SRD5A2: variants seen among roughly 807,000 people sequenced by gnomAD.
SRD5A2 encodes steroid 5 alpha-reductase 2.
Under a neutral mutation model 27.4 loss-of-function variants are expected in SRD5A2, and 30 were observed. The observed-to-expected ratio is 1.10, with a 90% CI of 0.82 to 1.49. The LOEUF (loss-of-function observed/expected upper bound fraction) is 1.49. Ranked by LOEUF, SRD5A2 falls within the 40% of genes most tolerant of loss-of-function variation. The probability of loss-of-function intolerance (pLI) is 0.00; values close to 1 mark genes in which losing one functional copy is unlikely to be tolerated. For synonymous variants in SRD5A2, 141 were observed against 133.6 expected (o/e 1.06, Z -0.38); for missense variants, 348 against 323.4 (o/e 1.08, Z -0.58).
the SRD5A2 span, among the ~76,000 whole-genome samples, chr2:31,595,163 G>C: frequency 1.3e-5 from 2 of 151,750 alleles, no homozygotes; most frequent in East Asian, 1.9e-4. Flanking sequence ...ACAGAAAATA[G>C]AACAAACAAA....
chr2:31,599,243 A>G, the SRD5A2 span, among the ~76,000 whole-genome samples: 1 of 152,002 alleles, frequency 6.6e-6, no homozygotes, highest in Non-Finnish European at 1.5e-5. Context: ...TTCAGCATTG[A>G]ACATATCTTC....
intron 1 of SRD5A2, among the ~76,000 whole-genome samples, chr2:31,559,211 T>C (rs746621060): frequency 2.0e-5 from 3 of 152,210 alleles, no homozygotes; most frequent in Admixed American, 1.3e-4. Flanking sequence ...GTTGCCACTT[T>C]GGCTTGACCT....
rs28383094 is a variant in SRD5A2, at chr2:31,524,027, A to C, written c.*2169T>G. ...GACTGGGGTTGGACCTAATTAAGTC[A>C]AGGTTGGACTAAATACTATTTTAGA... is the stretch of plus-strand genomic sequence containing the variant. On this transcript the variant is annotated 3_prime_UTR_variant, in exon 5 of 5. Coordinates refer to ENST00000622030, the MANE Select transcript of SRD5A2 (RefSeq NM_000348.4). 85 of 221,194 alleles carry C rather than the reference A, an allele frequency of 3.8e-4. No individual in the cohort carries two copies. In the East Asian group the frequency reaches 5.4e-3, roughly 14 times the overall value. 13.7% of individuals were successfully genotyped at this position (221,194 alleles called of 1,614,324 possible).
chr2:31,606,243 G>A, the SRD5A2 span, among the ~76,000 whole-genome samples: 5 of 151,830 alleles, frequency 3.3e-5, no homozygotes, highest in Admixed American at 1.3e-4. Flanking sequence ...CAACAGGATG[G>A]CTATAGTCAA....
the SRD5A2 span, among the ~76,000 whole-genome samples, chr2:31,608,882 G>A: frequency 6.6e-6 from 1 of 151,998 alleles, no homozygotes; most frequent in Non-Finnish European, 1.5e-5. Flanking sequence ...ATTTATATGT[G>A]GAAGTTTTAA....
At chr2:31,572,271 A>G (rs1340151320) in intron 1 of SRD5A2, among the ~76,000 whole-genome samples, 3 of 152,230 alleles carry the variant, frequency 2.0e-5, no homozygotes, top group Non-Finnish European at 2.9e-5. Flanking sequence ...ACATATGGAT[A>G]CTAAGAGAAC....
Position 31,524,899 on chromosome 2 carries a change from C to T in SRD5A2, c.*1297G>A, listed in dbSNP as rs1665739097. On this transcript the variant is annotated 3_prime_UTR_variant, in exon 5 of 5. Coordinates refer to ENST00000622030, the MANE Select transcript of SRD5A2 (RefSeq NM_000348.4). ...TGACCCCTTCACAAGAGTTTGCAAA[C>T]TCAAATGCTTACTAGCTACGTAGTT... The T allele has an allele frequency of 4.4e-6, 1 of 226,764 alleles. No homozygotes were observed. Among genetic ancestry groups the T allele is most frequent in the Non-Finnish European group, 8.8e-6 (1 of 114,004 alleles). The allele number at this position is 226,764 out of a possible 1,614,324, so 14.0% of individuals were successfully genotyped here. A position where few individuals can be genotyped will look rare whatever the true frequency, so the allele number is the denominator to read the frequency against.
intron 1 of SRD5A2, among the ~76,000 whole-genome samples, chr2:31,576,542 G>C (rs1666962884): frequency 3.4e-5 from 2 of 59,428 alleles, no homozygotes; most frequent in African/African-American, 1.4e-4. Flanking sequence ...CTTTTACACT[G>C]TTGGTGGGAC....
At chr2:31,551,613 G>A (rs1287329936) in intron 1 of SRD5A2, among the ~76,000 whole-genome samples, 2 of 152,168 alleles carry the variant, frequency 1.3e-5, no homozygotes, top group Non-Finnish European at 2.9e-5. Flanking sequence ...ACAGAACAGT[G>A]TGTGGACACT....
the SRD5A2 span, among the ~76,000 whole-genome samples, chr2:31,597,984 C>CA: frequency 6.6e-6 from 1 of 151,862 alleles, no homozygotes; most frequent in African/African-American, 2.4e-5. Flanking sequence ...ATTATTATGG[C>CA]AAAAAGATAC....
the SRD5A2 span, among the ~76,000 whole-genome samples, chr2:31,626,824 T>G: frequency 6.6e-6 from 1 of 152,150 alleles, no homozygotes; most frequent in African/African-American, 2.4e-5. Flanking sequence ...TCTATTTTTT[T>G]TTGACGTGTT....
intron 2 of SRD5A2, among the ~76,000 whole-genome samples, chr2:31,532,709 T>C (rs933471066): frequency 3.3e-5 from 5 of 152,136 alleles, no homozygotes; most frequent in African/African-American, 1.2e-4. Context: ...TCTCACCTTA[T>C]TTGATTTGAT....
chr2:31,569,804 A>G (rs1558373416), intron 1 of SRD5A2, among the ~76,000 whole-genome samples: 1 of 152,154 alleles, frequency 6.6e-6, no homozygotes, highest in Non-Finnish European at 1.5e-5. Flanking sequence ...AAGGAAATAT[A>G]AGAGAAAATC....
chr2:31,531,268 A>G, intron 3 of SRD5A2, 103 bp downstream of exon 3: 1 of 769,484 alleles, frequency 1.3e-6, no homozygotes, highest in South Asian at 1.7e-5. Context: ...GAGGTATTGT[A>G]TCATTCGTGC....
the SRD5A2 span, among the ~76,000 whole-genome samples, chr2:31,625,131 T>C: frequency 4.7e-4 from 71 of 152,370 alleles, no homozygotes; most frequent in Non-Finnish European, 9.4e-4. Context: ...CATTTTTTCA[T>C]ATGTCTGTTG....
At chr2:31,611,936 C>A in the SRD5A2 span, among the ~76,000 whole-genome samples, 1 of 152,012 alleles carries the variant, frequency 6.6e-6, no homozygotes, top group Non-Finnish European at 1.5e-5. Flanking sequence ...AATAGAAAAA[C>A]AAGTTGGGGC....
chr2:31,615,817 AG>A, the SRD5A2 span, among the ~76,000 whole-genome samples: 3 of 152,296 alleles, frequency 2.0e-5, no homozygotes, highest in African/African-American at 7.2e-5. Flanking sequence ...AAGGCCTAGG[AG>A]GAAAAAATGG....
At chr2:31,569,154 C>A (rs1666799369) in intron 1 of SRD5A2, among the ~76,000 whole-genome samples, 1 of 152,260 alleles carries the variant, frequency 6.6e-6, no homozygotes, top group Admixed American at 6.5e-5. Flanking sequence ...GCCGTGCCAG[C>A]TCTGTGGAGT....
At chr2:31,659,803 G>A in the SRD5A2 span, among the ~76,000 whole-genome samples, 220 of 151,978 alleles carry the variant, frequency 1.4e-3, no homozygotes, top group Non-Finnish European at 2.6e-3. Context: ...AACTACCAAT[G>A]ATATTTTTCA....
Sources: allele counts gnomAD v4.1 joint callset (sites outside exome capture counted in the v4.1 genomes callset), GRCh38; gene constraint gnomAD v4.1.1; transcripts MANE v1.5; gene names NCBI Gene and HGNC (gene_info 2026-07-23, HGNC 2026-07-21).